PRPF38B: variants seen among roughly 807,000 people sequenced by gnomAD.
PRPF38B encodes pre-mRNA-splicing factor 38B.
In PRPF38B, 18 loss-of-function variants were observed where a neutral mutation model predicts 67.2. That is an observed-to-expected ratio of 0.27 (90% CI 0.19 to 0.40). PRPF38B has a LOEUF of 0.40. PRPF38B is among the 10% of genes least tolerant of loss of function. The probability of loss-of-function intolerance (pLI) is 1.00; values close to 1 mark genes in which losing one functional copy is unlikely to be tolerated. For synonymous variants in PRPF38B, 246 were observed against 234.2 expected (o/e 1.05, Z -0.46); for missense variants, 544 against 684.9 (o/e 0.79, Z 2.30).
At chr1:108,693,895 A>ACAATC in intron 1 of PRPF38B, among the ~76,000 whole-genome samples, 1 of 152,334 alleles carries the variant, frequency 6.6e-6, no homozygotes, top group South Asian at 2.1e-4. Context: ...CATCTAATAC[A>ACAATC]CAATCCATTT....
Position 108,699,516 on chromosome 1 carries a change from A to G in PRPF38B, c.1137A>G (p.Glu379=), listed in dbSNP as rs1660225016. Residue 379 remains glutamate (E), a synonymous_variant, in exon 6 of 6, where the codon GAA becomes GAG. Transcript: ENST00000370025. ...ATAAGGAAAGAGGAAATGAACGAGA[A>G]AAAGAGAGAGAGCGATCAAGAGAAA... The part of the protein sequence containing the change: ...DYDKERGNER[E]KERERSRERS... 6.4e-7 allele frequency: 1 copy of G among 1,567,740 alleles called. No homozygotes were observed. The highest frequency in any genetic ancestry group is 8.6e-7 in the Non-Finnish European group (1 of 1,156,098).
intron 4 of PRPF38B, chr1:108,696,671 C>T (rs1176884416): frequency 8.4e-6 from 6 of 710,680 alleles, no homozygotes; most frequent in South Asian, 3.0e-5. Flanking sequence ...TGCTCAAGAT[C>T]GAACAGATAA....
intron 4 of PRPF38B, chr1:108,696,748 C>T (rs1363735548): frequency 5.6e-6 from 4 of 716,618 alleles, no homozygotes; most frequent in East Asian, 5.4e-5. Context: ...AGTTCTTCAC[C>T]CTCTAGCTTC....
intron 4 of PRPF38B, 152 bp from the exon 5 acceptor site, chr1:108,698,452 G>C: frequency 1.6e-6 from 1 of 626,430 alleles, no homozygotes; most frequent in African/African-American, 1.8e-5. Context: ...AAATATTTCT[G>C]TTCATTCATT....
Position 108,700,089 on chromosome 1 carries a change from G to A in PRPF38B, c.*69G>A, listed in dbSNP as rs1419352765. On this transcript the variant is annotated 3_prime_UTR_variant, in exon 6 of 6. Transcript: ENST00000370025. The stretch of plus-strand genomic sequence containing the variant: ...TAAATCTGCTTTTTTCCCCCACGTT[G>A]AGATTGTGCAGTAGTTCGCACTCCT... 9.9e-6 allele frequency: 15 copies of A among 1,520,418 alleles called. No homozygotes were observed. The highest frequency in any genetic ancestry group is 1.2e-5 in the Non-Finnish European group (14 of 1,140,716). The allele number at this position is 1,520,418 out of a possible 1,614,324, so 94.2% of individuals were successfully genotyped here.
In PRPF38B at chr1:108,692,691, G is replaced by C. The variant is rs762738206; in HGVS notation, c.100G>C (p.Ala34Pro). The change falls in exon 1 of 6, where the codon GCT (alanine) becomes CCT (proline). Residue 34 changes from alanine (A) to proline (P), a missense_variant. Physicochemically the swap from Ala to Pro is conservative, Grantham distance 27. Coordinates refer to ENST00000370025, the MANE Select transcript of PRPF38B (RefSeq NM_018061.4). ...ACAGCAGCAGTGCGGCGGCGGCGGC[G>C]CTACCAAGCCGGCGGTCTCCGGCAA... ...QQQQQCGGGG[A>P]TKPAVSGKQG... 6.2e-7 allele frequency: 1 copy of C among 1,613,038 alleles called. No homozygotes were observed. The highest frequency in any genetic ancestry group is 8.5e-7 in the Non-Finnish European group (1 of 1,180,014).
In PRPF38B at chr1:108,702,911, T is replaced by A. The variant is rs1660656703; in HGVS notation, c.*2891T>A. 6.6e-6 allele frequency among the ~76,000 whole-genome samples: 1 copy of A among 152,224 alleles called. No homozygotes were observed. Among genetic ancestry groups the A allele is most frequent in the Non-Finnish European group, 1.5e-5 (1 of 68,048 alleles). On this transcript the variant is annotated 3_prime_UTR_variant, in exon 6 of 6. Transcript: ENST00000370025. The stretch of plus-strand genomic sequence containing the variant: ...TTTAATGTTCAATTTGCAATTAAAT[T>A]CTATACATGGGCGAGTATATCATCA...
chr1:108,698,452 GTTCA>G (rs1216268529), intron 4 of PRPF38B, 148 bp from the exon 5 acceptor site: 56 of 626,312 alleles, frequency 8.9e-5, no homozygotes, highest in Middle Eastern at 4.4e-4. Context: ...AAATATTTCT[GTTCA>G]TTCATTGTCA....
rs751485107 is a variant in PRPF38B, at chr1:108,700,017, G to C, written c.1638G>C (p.Val546=). 6.4e-7 allele frequency: 1 copy of C among 1,574,098 alleles called. No individual in the cohort carries two copies. Among genetic ancestry groups the C allele is most frequent in the Non-Finnish European group, 8.6e-7 (1 of 1,166,300 alleles). Residue 546 remains valine (V), a synonymous_variant, in exon 6 of 6, where the codon GTG becomes GTC. Coordinates refer to ENST00000370025, the MANE Select transcript of PRPF38B (RefSeq NM_018061.4). ...EKQHKNKDET[V] ...AGCATAAAAACAAAGATGAGACTGT[G>C]TGAAAATATTTTGTAAAAGTGGATC...
In PRPF38B at chr1:108,702,557, CAA is replaced by C. The variant is rs1245096354; in HGVS notation, c.*2538_*2539del. ...GTGGCTTCCTAAGAAACTGGGAAAA[CAA>C]GTGGCTATGAAAGACATCTCACATT... is the stretch of plus-strand genomic sequence containing the variant. On this transcript the variant is annotated 3_prime_UTR_variant, in exon 6 of 6. Transcript: ENST00000370025. 6.6e-6 allele frequency among the ~76,000 whole-genome samples: 1 copy of C among 152,058 alleles called. No homozygotes were observed. The highest frequency in any genetic ancestry group is 1.5e-5 in the Non-Finnish European group (1 of 68,014).
At chr1:108,697,009 C>T (rs1659928793) in intron 4 of PRPF38B, 2 of 486,886 alleles carry the variant, frequency 4.1e-6, no homozygotes, top group Non-Finnish European at 7.3e-6. Flanking sequence ...CGTGGTGGCT[C>T]ACATTGTAAT....
At chr1:108,695,638 T>A in intron 1 of PRPF38B, 64 bp from the exon 2 acceptor site, 1 of 1,540,294 alleles carries the variant, frequency 6.5e-7, no homozygotes, top group Non-Finnish European at 8.9e-7. Context: ...GGGTTTACTT[T>A]TATCAGGCTT....
chr1:108,701,207 C>T lies in PRPF38B; in HGVS notation c.*1187C>T, dbSNP rs1660458168. On this transcript the variant is annotated 3_prime_UTR_variant, in exon 6 of 6. Transcript: ENST00000370025. ...TTTATCCTGGGTCTTGGCTTTTCCC[C>T]CATTTGTTAAATTTTTTTAGCATAT... 1 of 152,502 alleles carries T rather than the reference C, an allele frequency of 6.6e-6. No individual in the cohort carries two copies. Among genetic ancestry groups the T allele is most frequent in the Non-Finnish European group, 1.5e-5 (1 of 68,030 alleles). The allele number at this position is 152,502 out of a possible 1,614,324, so 9.4% of individuals were successfully genotyped here.
Position 108,700,061 on chromosome 1 carries a change from G to T in PRPF38B, c.*41G>T, listed in dbSNP as rs751658193. 1.3e-6 allele frequency: 2 copies of T among 1,536,164 alleles called. No individual in the cohort carries two copies. The highest frequency in any genetic ancestry group is 2.3e-5 in the East Asian group (1 of 44,166). ...GTGGATCACATTGAATCCTATAAATGATTAAATCTGCTTTTTTCCCCCACG... is the reference window on the plus strand; with the variant it reads ...GTGGATCACATTGAATCCTATAAATTATTAAATCTGCTTTTTTCCCCCACG... On this transcript the variant is annotated 3_prime_UTR_variant, in exon 6 of 6. Transcript: ENST00000370025.
Position 108,700,136 on chromosome 1 carries a change from A to C in PRPF38B, c.*116A>C. ...TCCTCAAGCTCTCCCTGTAGGCTGC[A>C]TTTTCATTTCCTCTTTCGTGTAGGG... On this transcript the variant is annotated 3_prime_UTR_variant, in exon 6 of 6. Coordinates refer to ENST00000370025, the MANE Select transcript of PRPF38B (RefSeq NM_018061.4). 1 of 1,422,254 alleles carries C rather than the reference A, an allele frequency of 7.0e-7. No individual in the cohort carries two copies. The allele number at this position is 1,422,254 out of a possible 1,614,324, so 88.1% of individuals were successfully genotyped here.
At position 108,698,738 on chromosome 1, in the gene PRPF38B, A is replaced by G. The variant is rs2297561; in HGVS notation, c.693A>G (p.Gln231=). 1.6e-4 allele frequency: 261 copies of G among 1,614,082 alleles called. 1 individual carries two copies. In the East Asian group the frequency reaches 5.5e-3, roughly 34 times the overall value. ...TTCCAGTTCAAAAGAATATTGATCAACAGATTAAAACCCGACCTAGAAAAA... is the reference window on the plus strand; with the variant it reads ...TTCCAGTTCAAAAGAATATTGATCAGCAGATTAAAACCCGACCTAGAAAAA... ...IPVPVQKNID[Q]QIKTRPRKIK... Residue 231 remains glutamine (Q), a synonymous_variant, in exon 5 of 6, where the codon CAA becomes CAG. Transcript: ENST00000370025.
intron 4 of PRPF38B, chr1:108,697,113 A>G (rs895684793): frequency 2.5e-5 from 5 of 196,410 alleles, no homozygotes; most frequent in African/African-American, 1.2e-4. Flanking sequence ...GCATAGAGGT[A>G]TGCATCTTAG....
At position 108,695,613 on chromosome 1, in the gene PRPF38B, CT is replaced by C; in HGVS notation, c.277-88del. ...TGCCAAAATAATTTTGGAAGAGCTGCTCTATTATGGACTTGGGTTTACTTTT... is the reference window on the plus strand; with the variant it reads ...TGCCAAAATAATTTTGGAAGAGCTGCCTATTATGGACTTGGGTTTACTTTT... On this transcript the variant is annotated intron_variant, in intron 1 of 5. Transcript: ENST00000370025. 2.4e-6 allele frequency: 3 copies of C among 1,246,812 alleles called. No individual in the cohort carries two copies. In the South Asian group the frequency reaches 4.0e-5, roughly 17 times the overall value. 77.2% of individuals were successfully genotyped at this position (1,246,812 alleles called of 1,614,324 possible).
At position 108,702,850 on chromosome 1, in the gene PRPF38B, T is replaced by C. The variant is rs1660649351; in HGVS notation, c.*2830T>C. On this transcript the variant is annotated 3_prime_UTR_variant, in exon 6 of 6. Coordinates refer to ENST00000370025, the MANE Select transcript of PRPF38B (RefSeq NM_018061.4). Reference sequence around the variant, plus strand: ...CCAGTTTTTGTACTTACTGGAATGATTTCACCTTTCCATGTATTAAAATCT... The same window carrying C: ...CCAGTTTTTGTACTTACTGGAATGACTTCACCTTTCCATGTATTAAAATCT... Among the ~76,000 whole-genome samples, 1 of 152,216 alleles carries C rather than the reference T, an allele frequency of 6.6e-6. No homozygotes were observed. The highest frequency in any genetic ancestry group is 1.5e-5 in the Non-Finnish European group (1 of 68,026).
Sources: gnomAD v4.1 joint callset for allele counts (sites outside exome capture counted in the v4.1 genomes callset) on GRCh38, gnomAD v4.1.1 for gene constraint, MANE v1.5 for transcripts, NCBI Gene and HGNC (gene_info 2026-07-23, HGNC 2026-07-21) for gene names.